Variants in PTPRC observed in about 807,000 individuals in gnomAD.
The protein encoded by PTPRC is receptor-type tyrosine-protein phosphatase C.
A neutral mutation model predicts 155.9 loss-of-function variants in PTPRC; 44 were observed. The ratio of observed to expected loss-of-function variants is 0.28; its 90% CI spans 0.22 to 0.36. The LOEUF is 0.36. Among genes scored for constraint, PTPRC ranks in the 10% least tolerant of loss-of-function variants. The probability of loss-of-function intolerance (pLI) is 1.00; values close to 1 mark genes in which losing one functional copy is unlikely to be tolerated. For missense variants in PTPRC, 1,401 were observed against 1,564.6 expected (o/e 0.90, Z 1.76); for synonymous variants, 525 against 533.1 (o/e 0.98, Z 0.21).
At chr1:198,743,869 G>T (rs1401300329) in intron 25 of PTPRC, among the ~76,000 whole-genome samples, 185 bp from the exon 26 acceptor site, 1 of 151,746 alleles carries the variant, frequency 6.6e-6, no homozygotes, top group East Asian at 1.9e-4. Flanking sequence ...AATAGAATTT[G>T]CTCATATTCC....
At chr1:198,731,962 G>C (rs964328682) in intron 18 of PTPRC, among the ~76,000 whole-genome samples, 5 of 151,854 alleles carry the variant, frequency 3.3e-5, no homozygotes, top group African/African-American at 4.8e-5. Flanking sequence ...TTATGAAGTT[G>C]TGTCACAAAA....
intron 9 of PTPRC, 93 bp from the exon 10 acceptor site, chr1:198,708,040 C>A (rs1169506005): frequency 4.3e-5 from 51 of 1,195,932 alleles, no homozygotes; most frequent in Non-Finnish European, 5.8e-5. Flanking sequence ...AGCATAATTT[C>A]AGTGGCTTTA....
rs997855645 is a variant in PTPRC, at chr1:198,703,669, G to A, written c.658+297G>A. Reference sequence around the variant, plus strand: ...TAGGTCTTAGTAAGGAAAAGAACAAGCCCATCAAAGGGGCTGTCCATTGCA... The same window carrying A: ...TAGGTCTTAGTAAGGAAAAGAACAAACCCATCAAAGGGGCTGTCCATTGCA... On this transcript the variant is annotated intron_variant, in intron 7 of 32. Coordinates refer to ENST00000442510, the MANE Select transcript of PTPRC (RefSeq NM_002838.5). The A allele has an allele frequency of 1.7e-5, 8 of 471,040 alleles. No individual in the cohort carries two copies. In the East Asian group the frequency reaches 2.1e-4, roughly 12 times the overall value. 29.2% of individuals were successfully genotyped at this position (471,040 alleles called of 1,614,324 possible).
At chr1:198,639,010 A>C, upstream of PTPRC, 1 of 460,520 alleles carries the variant, frequency 2.2e-6, no homozygotes, top group South Asian at 2.7e-5. Flanking sequence ...CCCTTACAGT[A>C]TTTTTGGAGA....
In PTPRC at chr1:198,756,957, A is replaced by AAAT. The variant is rs1655707678; in HGVS notation, c.*777_*779dup. ...TTTATTGCTTGATACTTTTGACAACAAATTAGGTTTTGTACAATTGAACTT... is the reference window on the plus strand; with the variant it reads ...TTTATTGCTTGATACTTTTGACAACAAATAATTAGGTTTTGTACAATTGAACTT... On this transcript the variant is annotated 3_prime_UTR_variant, in exon 33 of 33. Coordinates refer to ENST00000442510, the MANE Select transcript of PTPRC (RefSeq NM_002838.5). The AAAT allele has an allele frequency of 6.6e-6, 1 of 151,920 alleles. No individual in the cohort carries two copies. Among genetic ancestry groups the AAAT allele is most frequent in the Non-Finnish European group, 1.5e-5 (1 of 67,880 alleles). The allele number at this position is 151,920 out of a possible 1,614,324, so 9.4% of individuals were successfully genotyped here. A position where few individuals can be genotyped will look rare whatever the true frequency, so the allele number is the denominator to read the frequency against.
At chr1:198,755,246 T>C (rs1655583995) in intron 32 of PTPRC, among the ~76,000 whole-genome samples, 1 of 152,118 alleles carries the variant, frequency 6.6e-6, no homozygotes, top group Admixed American at 6.6e-5. Context: ...GTAATCGATC[T>C]ATCGTGTATA....
At chr1:198,674,320 T>G in intron 2 of PTPRC, among the ~76,000 whole-genome samples, 1 of 152,148 alleles carries the variant, frequency 6.6e-6, no homozygotes, top group East Asian at 1.9e-4. Context: ...AGTGAGAATT[T>G]TATAAAGCAG....
chr1:198,736,178 T>G (rs1654628749), intron 23 of PTPRC, among the ~76,000 whole-genome samples: 1 of 151,630 alleles, frequency 6.6e-6, no homozygotes, highest in Non-Finnish European at 1.5e-5. Context: ...TATCTTTTCT[T>G]TGTGTTACAA....
chr1:198,756,834 C>T lies in PTPRC; in HGVS notation c.*653C>T, dbSNP rs1335783700. Reference sequence around the variant, plus strand: ...GCATTTAGTCCAATGTCTTTTTAAGCTTATTTAATTAAAAAATTTCCAGTG... The same window carrying T: ...GCATTTAGTCCAATGTCTTTTTAAGTTTATTTAATTAAAAAATTTCCAGTG... On this transcript the variant is annotated 3_prime_UTR_variant, in exon 33 of 33. Coordinates refer to ENST00000442510, the MANE Select transcript of PTPRC (RefSeq NM_002838.5). The T allele has an allele frequency of 1.3e-5, 2 of 151,952 alleles. No individual in the cohort carries two copies. Among genetic ancestry groups the T allele is most frequent in the East Asian group, 1.9e-4 (1 of 5,164 alleles). The allele number at this position is 151,952 out of a possible 1,614,324, so 9.4% of individuals were successfully genotyped here. A position where few individuals can be genotyped will look rare whatever the true frequency, so the allele number is the denominator to read the frequency against.
At chr1:198,638,974 AC>A, upstream of PTPRC, 4 of 383,360 alleles carry the variant, frequency 1.0e-5, no homozygotes, top group Non-Finnish European at 1.9e-5. Flanking sequence ...ACTTAGAACA[AC>A]TTTTTTGACT....
At chr1:198,697,783 A>G (rs1195432110) in intron 4 of PTPRC, among the ~76,000 whole-genome samples, 1 of 152,240 alleles carries the variant, frequency 6.6e-6, no homozygotes, top group Non-Finnish European at 1.5e-5. Flanking sequence ...AAACAAGCAT[A>G]TATAATACCA....
chr1:198,723,741 TGGGAATCCTTGCAGC>T (rs1476088650), intron 15 of PTPRC, among the ~76,000 whole-genome samples: 3 of 152,172 alleles, frequency 2.0e-5, no homozygotes, highest in Non-Finnish European at 2.9e-5. Context: ...AGCCTGGCAG[TGGGAATCCTTGCAGC>T]GGGAATCCTT....
chr1:198,754,000 A>C lies in PTPRC; in HGVS notation c.3510-269A>C, dbSNP rs115864095. ...TTCAGATGTAAATAAAAATGCATTA[A>C]AATCCATAAAATACTAAATAAAAGA... On this transcript the variant is annotated intron_variant, in intron 31 of 32. Coordinates refer to ENST00000442510, the MANE Select transcript of PTPRC (RefSeq NM_002838.5). 8.4e-3 allele frequency among the ~76,000 whole-genome samples: 1,284 copies of C among 152,210 alleles called. 6 individuals are homozygous for C. Among genetic ancestry groups the C allele is most frequent in the Middle Eastern group, 0.024 (7 of 294 alleles).
chr1:198,714,782 A>T (rs1653490788), intron 12 of PTPRC, among the ~76,000 whole-genome samples: 1 of 152,240 alleles, frequency 6.6e-6, no homozygotes, highest in South Asian at 2.1e-4. Context: ...AAATAAAATT[A>T]CTATTAAAAA....
At chr1:198,737,344 C>A (rs181689607) in intron 23 of PTPRC, among the ~76,000 whole-genome samples, 5 of 143,908 alleles carry the variant, frequency 3.5e-5, no homozygotes, top group African/African-American at 1.3e-4. Flanking sequence ...TAAGTCTAAT[C>A]CATTTTTTTT....
At chr1:198,749,313 A>T (rs1655274841) in intron 27 of PTPRC, 103 bp from the exon 28 acceptor site, 6 of 1,180,722 alleles carry the variant, frequency 5.1e-6, no homozygotes, top group African/African-American at 1.5e-5. Context: ...AAGTTTTCAT[A>T]ATACAATCTG....
At chr1:198,719,050 C>G (rs1389376808) in intron 14 of PTPRC, among the ~76,000 whole-genome samples, 1 of 151,986 alleles carries the variant, frequency 6.6e-6, no homozygotes, top group Non-Finnish European at 1.5e-5. Context: ...ATTGGTAAAG[C>G]AAAATTTTTG....
intron 2 of PTPRC, among the ~76,000 whole-genome samples, chr1:198,642,910 T>TTC (rs1662689461): frequency 8.2e-6 from 1 of 121,792 alleles, no homozygotes; most frequent in Non-Finnish European, 1.8e-5. Flanking sequence ...CTTTCTTCCT[T>TTC]TCTTTCTTTC....
At chr1:198,696,408 A>G (rs1173517439) in intron 3 of PTPRC, among the ~76,000 whole-genome samples, 1 of 151,068 alleles carries the variant, frequency 6.6e-6, no homozygotes, top group Non-Finnish European at 1.5e-5. Flanking sequence ...TTTCAATTTC[A>G]TTTCCCCATT....
Sources: allele counts gnomAD v4.1 joint callset (sites outside exome capture counted in the v4.1 genomes callset), GRCh38; gene constraint gnomAD v4.1.1; transcripts MANE v1.5; gene names NCBI Gene and HGNC (gene_info 2026-07-23, HGNC 2026-07-21).